The following MAP4K4 variants were observed in gnomAD, a reference collection of about 807,000 sequenced individuals.
MAP4K4 encodes mitogen-activated protein kinase kinase kinase kinase 4.
MAP4K4 carries 38 observed loss-of-function variants against 189.6 expected under a neutral mutation model. The observed-to-expected ratio is 0.20, with a 90% CI of 0.15 to 0.26. The LOEUF (loss-of-function observed/expected upper bound fraction) is 0.26, where lower values mean the gene tolerates loss of function less well. Ranked by LOEUF, MAP4K4 falls within the 10% of genes least tolerant of loss-of-function variation. MAP4K4 has a pLI of 1.00. For missense variants in MAP4K4, 1,054 were observed against 1,726.9 expected, an observed-to-expected ratio of 0.61 and a Z score of 6.91; for synonymous variants, 610 against 624.3, an observed-to-expected ratio of 0.98 and a Z score of 0.34.
chr2:101,749,756 A>G (rs2067660301), intron 2 of MAP4K4, among the ~76,000 whole-genome samples: 1 of 144,814 alleles, frequency 6.9e-6, no homozygotes. Flanking sequence ...TTCGCAACCT[A>G]CTCATCTGAC....
At chr2:101,878,742 C>G (rs1288002138) in intron 27 of MAP4K4, among the ~76,000 whole-genome samples, 1 of 152,134 alleles carries the variant, frequency 6.6e-6, no homozygotes, top group Non-Finnish European at 1.5e-5. Context: ...CCACTACTTA[C>G]AGTCACTTAT....
intron 5 of MAP4K4, among the ~76,000 whole-genome samples, chr2:101,827,661 G>C (rs1490563535): frequency 6.6e-6 from 1 of 152,202 alleles, no homozygotes; most frequent in Non-Finnish European, 1.5e-5. Context: ...GCTTTTTGGA[G>C]CCTGCACACT....
intron 12 of MAP4K4, among the ~76,000 whole-genome samples, chr2:101,847,341 CCAAGTTAA>C (rs2097141540): frequency 6.6e-6 from 1 of 152,126 alleles, no homozygotes; most frequent in African/African-American, 2.4e-5. Context: ...ATATTAAAAA[CCAAGTTAA>C]CTGCAAAAGA....
intron 3 of MAP4K4, among the ~76,000 whole-genome samples, chr2:101,814,271 T>A (rs2095593081): frequency 6.6e-6 from 1 of 152,246 alleles, no homozygotes; most frequent in African/African-American, 2.4e-5. Flanking sequence ...AAGGTGTCTG[T>A]TAGGAATTAA....
At chr2:101,841,204 C>G (rs2096908290) in intron 10 of MAP4K4, among the ~76,000 whole-genome samples, 1 of 152,156 alleles carries the variant, frequency 6.6e-6, no homozygotes, top group African/African-American at 2.4e-5. Context: ...TCTTCATTTT[C>G]TTTTTGGGTT....
chr2:101,741,500 A>G (rs2062817984), intron 2 of MAP4K4, among the ~76,000 whole-genome samples: 1 of 151,700 alleles, frequency 6.6e-6, no homozygotes. Flanking sequence ...GATATCGCAG[A>G]CTCCATGTTA....
chr2:101,771,013 TAAC>T (rs1166357948), intron 2 of MAP4K4, among the ~76,000 whole-genome samples: 1 of 152,234 alleles, frequency 6.6e-6, no homozygotes, highest in Non-Finnish European at 1.5e-5. Context: ...GGATCCCACT[TAAC>T]AGCCTCATGG....
intron 6 of MAP4K4, 94 bp downstream of exon 6, chr2:101,829,688 C>T: frequency 1.2e-6 from 1 of 810,278 alleles, no homozygotes; most frequent in Non-Finnish European, 2.1e-6. Context: ...AAAGTTCAGT[C>T]TTACCCATGT....
chr2:101,763,157 A>G (rs1318579140), intron 2 of MAP4K4, among the ~76,000 whole-genome samples: 1 of 152,160 alleles, frequency 6.6e-6, no homozygotes, highest in Non-Finnish European at 1.5e-5. Flanking sequence ...TGTCATTAGC[A>G]CAGTCTTCCA....
exon 33 of MAP4K4, chr2:101,893,457 A>G: frequency 2.9e-6 from 1 of 341,764 alleles, no homozygotes; most frequent in South Asian, 2.3e-5. Flanking sequence ...TTTAGTTAGA[A>G]TTAAATTCCT....
chr2:101,813,586 T>G (rs531638019), intron 3 of MAP4K4, among the ~76,000 whole-genome samples: 2 of 152,254 alleles, frequency 1.3e-5, no homozygotes, highest in African/African-American at 4.8e-5. Flanking sequence ...ACTTGCAGTT[T>G]ATCATTATCT....
At chr2:101,836,013 CTT>C (rs752546410) in intron 9 of MAP4K4, 35 bp downstream of exon 9, 15 of 1,504,068 alleles carry the variant, frequency 1.0e-5, no homozygotes, top group African/African-American at 1.4e-5. Context: ...GTTCTTTTCC[CTT>C]TTTTTTAAAT....
intron 3 of MAP4K4, 55 bp from the exon 4 acceptor site, chr2:101,823,873 T>TA: frequency 6.7e-7 from 1 of 1,485,190 alleles, no homozygotes; most frequent in Non-Finnish European, 9.1e-7. Flanking sequence ...GTGGGGGAAG[T>TA]AAAGTCATTC....
intron 3 of MAP4K4, 105 bp downstream of exon 3, chr2:101,790,881 A>T: frequency 1.0e-6 from 1 of 999,348 alleles, no homozygotes; most frequent in Non-Finnish European, 1.5e-6. Flanking sequence ...TTACTTGAAC[A>T]AATTGCCCTC....
chr2:101,734,040 A>C (rs1435345624), intron 2 of MAP4K4, among the ~76,000 whole-genome samples: 1 of 152,164 alleles, frequency 6.6e-6, no homozygotes, highest in African/African-American at 2.4e-5. Flanking sequence ...GGTGCTCCCC[A>C]CACCCCCCAA....
intron 6 of MAP4K4, among the ~76,000 whole-genome samples, 152 bp from the exon 7 acceptor site, chr2:101,831,569 A>G (rs1244804706): frequency 6.6e-6 from 1 of 151,992 alleles, no homozygotes; most frequent in South Asian, 2.1e-4. Flanking sequence ...ACTCCTGACC[A>G]GTGGTGCCTG....
intron 2 of MAP4K4, among the ~76,000 whole-genome samples, chr2:101,764,255 C>T (rs75064755): frequency 1.4e-4 from 21 of 152,154 alleles, no homozygotes; most frequent in African/African-American, 4.8e-4. Context: ...TAATGTCATA[C>T]GTAAAGTTCT....
intron 3 of MAP4K4, among the ~76,000 whole-genome samples, chr2:101,793,871 T>G (rs562893164): frequency 6.6e-6 from 1 of 152,254 alleles, no homozygotes; most frequent in South Asian, 2.1e-4. Context: ...CTTTACTTGA[T>G]TATGTGAATC....
chr2:101,839,799 A>C lies in MAP4K4; in HGVS notation c.774-20A>C, dbSNP rs2096865571. On this transcript the variant is annotated intron_variant, in intron 9 of 32. Coordinates refer to ENST00000324219, the Ensembl canonical transcript of MAP4K4. ...TACTCTTTGTGGTGGAAATTTGATG[A>C]TCTTTTTCACTTCTTACAGGTCGAA... The C allele has an allele frequency of 6.5e-7, 1 of 1,544,118 alleles. No homozygotes were observed. The highest frequency in any genetic ancestry group is 8.7e-7 in the Non-Finnish European group (1 of 1,149,496).
Sources: gnomAD v4.1 joint callset for allele counts (sites outside exome capture counted in the v4.1 genomes callset) on GRCh38, gnomAD v4.1.1 for gene constraint, MANE v1.5 for transcripts, NCBI Gene and HGNC (gene_info 2026-07-23, HGNC 2026-07-21) for gene names.